Variants in ARHGAP31 observed in about 807,000 individuals in gnomAD.
ARHGAP31 encodes Rho GTPase activating protein 31, also known as rho GTPase-activating protein 31.
A neutral mutation model predicts 113.9 loss-of-function variants in ARHGAP31; 34 were observed. The observed-to-expected ratio is 0.30, with a 90% confidence interval of 0.23 to 0.40. The LOEUF is 0.40. Among genes scored for constraint, ARHGAP31 ranks in the 10% least tolerant of loss-of-function variants. ARHGAP31 has a pLI of 1.00. For synonymous variants in ARHGAP31, 650 were observed against 684.8 expected (o/e 0.95, Z 0.79); for missense variants, 1,548 against 1,767.1 (o/e 0.88, Z 2.22).
intron 8 of ARHGAP31, among the ~76,000 whole-genome samples, chr3:119,397,693 G>A (rs1198615538): frequency 6.6e-6 from 1 of 152,242 alleles, no homozygotes; most frequent in African/African-American, 2.4e-5. Flanking sequence ...GAACCTCCCA[G>A]AAGGAGCAGG....
chr3:119,388,417 T>TC (rs2080473554), intron 6 of ARHGAP31, among the ~76,000 whole-genome samples: 1 of 151,660 alleles, frequency 6.6e-6, no homozygotes, highest in South Asian at 2.1e-4. Flanking sequence ...TCCTTTTAGG[T>TC]CATGCGAAGA....
At chr3:119,327,596 T>C (rs192870856) in intron 1 of ARHGAP31, among the ~76,000 whole-genome samples, 11 of 152,256 alleles carry the variant, frequency 7.2e-5, no homozygotes, top group African/African-American at 2.4e-4. Flanking sequence ...ATCCTCTTTC[T>C]CTTCCCCCAC....
intron 1 of ARHGAP31, among the ~76,000 whole-genome samples, chr3:119,331,043 G>A (rs1316276125): frequency 6.6e-6 from 1 of 152,176 alleles, no homozygotes; most frequent in Non-Finnish European, 1.5e-5. Flanking sequence ...GAGTGAGGTT[G>A]TTTATAATCT....
chr3:119,350,230 G>A (rs777965345), intron 1 of ARHGAP31, among the ~76,000 whole-genome samples: 6 of 152,034 alleles, frequency 3.9e-5, no homozygotes, highest in Admixed American at 1.3e-4. Context: ...ACAACAGGAA[G>A]CGCTGGGAGG....
chr3:119,388,256 C>T (rs1247818081), intron 6 of ARHGAP31, among the ~76,000 whole-genome samples: 1 of 146,394 alleles, frequency 6.8e-6, no homozygotes, highest in African/African-American at 2.5e-5. Flanking sequence ...TGCTATTACG[C>T]ATGACACACA....
chr3:119,399,643 G>A (rs1000667966), intron 9 of ARHGAP31, among the ~76,000 whole-genome samples: 1 of 152,264 alleles, frequency 6.6e-6, no homozygotes, highest in African/African-American at 2.4e-5. Flanking sequence ...TTTATGCCTA[G>A]AGGCCTATGT....
chr3:119,361,695 C>T (rs1204296380), intron 1 of ARHGAP31, among the ~76,000 whole-genome samples: 8 of 152,136 alleles, frequency 5.3e-5, no homozygotes, highest in Admixed American at 5.2e-4. Flanking sequence ...CTTCAACTTT[C>T]GAGTACATCA....
At position 119,390,924 on chromosome 3, in the gene ARHGAP31, T is replaced by C. The variant is rs377226775; in HGVS notation, c.822T>C (p.Pro274=). The C allele has an allele frequency of 6.2e-7, 1 of 1,614,174 alleles. No individual in the cohort carries two copies. Among genetic ancestry groups the C allele is most frequent in the African/African-American group, 1.3e-5 (1 of 75,060 alleles). ...AGGAAAGGAGGGAGAACAGCCTGCCTGAGATTGTCCCTCCCATGGGCACCC... is the reference window on the plus strand; with the variant it reads ...AGGAAAGGAGGGAGAACAGCCTGCCCGAGATTGTCCCTCCCATGGGCACCC... The part of the protein sequence containing the change: ...ARKERRENSL[P]EIVPPMGTLF... Residue 274 remains proline (P), a synonymous_variant, in exon 7 of 12, where the codon CCT becomes CCC. Transcript: ENST00000264245.
chr3:119,392,290 A>G (rs2080511815), intron 7 of ARHGAP31, among the ~76,000 whole-genome samples: 1 of 152,158 alleles, frequency 6.6e-6, no homozygotes, highest in African/African-American at 2.4e-5. Context: ...TTTACAAAAT[A>G]TAAAAATATC....
At position 119,294,664 on chromosome 3, in the gene ARHGAP31, G is replaced by T; in HGVS notation, c.-241G>T. The T allele has an allele frequency of 1.8e-6, 1 of 564,074 alleles. No individual in the cohort carries two copies. The highest frequency in any genetic ancestry group is 3.6e-5 in the Admixed American group (1 of 28,120). The allele number at this position is 564,074 out of a possible 1,614,324, so 34.9% of individuals were successfully genotyped here. ...ACACTCCCAGGCGAGCCGGCCCGCG[G>T]CTGCCAGTCTGCACGGCCTCGGCAC... On this transcript the variant is annotated 5_prime_UTR_variant, in exon 1 of 12. Coordinates refer to ENST00000264245, the MANE Select transcript of ARHGAP31 (RefSeq NM_020754.4).
rs2080798132 is a variant in ARHGAP31, at chr3:119,418,555, A to T, written c.*2291A>T. ...TAATGAATATGTAAACTATTTTATG[A>T]TTATTTTAAATGTTTGTTTGGTAAC... On this transcript the variant is annotated 3_prime_UTR_variant, in exon 12 of 12. Transcript: ENST00000264245. The T allele has an allele frequency of 6.6e-6, 1 of 152,108 alleles. No homozygotes were observed. Among genetic ancestry groups the T allele is most frequent in the African/African-American group, 2.4e-5 (1 of 41,358 alleles). The allele number at this position is 152,108 out of a possible 1,614,324, so 9.4% of individuals were successfully genotyped here.
At chr3:119,346,504 A>C (rs2080058159) in intron 1 of ARHGAP31, among the ~76,000 whole-genome samples, 1 of 152,258 alleles carries the variant, frequency 6.6e-6, no homozygotes, top group African/African-American at 2.4e-5. Flanking sequence ...ATTTAACTGC[A>C]TGTAATTGAA....
chr3:119,331,397 A>C (rs1048458817), intron 1 of ARHGAP31, among the ~76,000 whole-genome samples: 1 of 152,206 alleles, frequency 6.6e-6, no homozygotes, highest in Non-Finnish European at 1.5e-5. Context: ...TAAAAATGGA[A>C]TAGGTTAAGT....
At chr3:119,337,011 T>C (rs921447889) in intron 1 of ARHGAP31, among the ~76,000 whole-genome samples, 2 of 152,258 alleles carry the variant, frequency 1.3e-5, no homozygotes, top group African/African-American at 4.8e-5. Flanking sequence ...TACCTAATAA[T>C]ATTCTATTCT....
At chr3:119,322,561 C>G (rs13314464) in intron 1 of ARHGAP31, 58,366 of 153,128 alleles carry the variant, frequency 0.38, 11,353 homozygotes, top group Non-Finnish European at 0.41. Context: ...CACCCACGCT[C>G]CGGCCTTGCT....
At chr3:119,372,731 A>G (rs1337067795) in intron 3 of ARHGAP31, among the ~76,000 whole-genome samples, 1 of 152,182 alleles carries the variant, frequency 6.6e-6, no homozygotes, top group Non-Finnish European at 1.5e-5. Flanking sequence ...CATTATAAAT[A>G]TTATTTCATT....
At chr3:119,342,957 A>T (rs77888281) in intron 1 of ARHGAP31, among the ~76,000 whole-genome samples, 16,002 of 152,216 alleles carry the variant, frequency 0.11, 1,316 homozygotes, top group African/African-American at 0.21. Flanking sequence ...CTCAAAAAAA[A>T]AAAATAAAAA....
At chr3:119,316,226 T>C (rs2079729032) in intron 1 of ARHGAP31, among the ~76,000 whole-genome samples, 1 of 152,220 alleles carries the variant, frequency 6.6e-6, no homozygotes, top group South Asian at 2.1e-4. Flanking sequence ...ACTTGTCTCA[T>C]GGAGTGGGGA....
chr3:119,368,668 T>G, intron 3 of ARHGAP31, 152 bp downstream of exon 3: 2 of 1,045,010 alleles, frequency 1.9e-6, no homozygotes, highest in Non-Finnish European at 2.8e-6. Flanking sequence ...GTAAGGAAAA[T>G]AGGGTGGTGG....
Sources: allele counts gnomAD v4.1 joint callset (sites outside exome capture counted in the v4.1 genomes callset), GRCh38; gene constraint gnomAD v4.1.1; transcripts MANE v1.5; gene names NCBI Gene and HGNC (gene_info 2026-07-23, HGNC 2026-07-21).